The following CNTNAP2 variants were observed in gnomAD, a reference collection of about 807,000 sequenced individuals.
The protein encoded by CNTNAP2 is contactin associated protein 2.
In CNTNAP2, 98 loss-of-function variants were observed where a neutral mutation model predicts 155.2. The ratio of observed to expected loss-of-function variants is 0.63; its 90% CI spans 0.54 to 0.75. The LOEUF is 0.75. Ranked by LOEUF, CNTNAP2 falls within the 30% of genes least tolerant of loss-of-function variation. The pLI is 0.00. For synonymous variants in CNTNAP2, 651 were observed against 631.2 expected, an observed-to-expected ratio of 1.03 and a Z score of -0.47; for missense variants, 1,727 against 1,688.1, an observed-to-expected ratio of 1.02 and a Z score of -0.40.
intron 21 of CNTNAP2, among the ~76,000 whole-genome samples, chr7:148,270,370 T>G (rs1405787550): frequency 6.6e-6 from 1 of 152,164 alleles, no homozygotes; most frequent in Admixed American, 6.5e-5. Flanking sequence ...AAAGTACACA[T>G]AAATACCTGT....
At chr7:146,261,436 A>T (rs1205642488) in intron 1 of CNTNAP2, among the ~76,000 whole-genome samples, 1 of 151,704 alleles carries the variant, frequency 6.6e-6, no homozygotes, top group South Asian at 2.1e-4. Flanking sequence ...TCCCAAATAC[A>T]CATGCAATTA....
At chr7:147,346,205 A>ACTGCAGT in intron 9 of CNTNAP2, among the ~76,000 whole-genome samples, 1 of 146,296 alleles carries the variant, frequency 6.8e-6, no homozygotes, top group Admixed American at 6.9e-5. Context: ...CGGACTGCGG[A>ACTGCAGT]CTGCAGTGGC....
chr7:146,829,658 G>T (rs1162640250), intron 2 of CNTNAP2, among the ~76,000 whole-genome samples: 1 of 151,980 alleles, frequency 6.6e-6, no homozygotes, highest in African/African-American at 2.4e-5. Flanking sequence ...TATACTTTTA[G>T]AATGTGTGAT....
At chr7:147,122,434 AAC>A (rs1801138922) in intron 6 of CNTNAP2, 1 of 152,222 alleles carries the variant, frequency 6.6e-6, no homozygotes, top group Admixed American at 6.5e-5. Context: ...TAGAGAAATA[AAC>A]ACAAAATAAA....
intron 14 of CNTNAP2, among the ~76,000 whole-genome samples, chr7:147,969,939 T>C (rs1279721405): frequency 6.6e-6 from 1 of 151,870 alleles, no homozygotes; most frequent in Non-Finnish European, 1.5e-5. Flanking sequence ...TTTTATTTAT[T>C]TTATTTTATT....
rs200863951 is a variant in CNTNAP2, at chr7:147,863,774, G to T, written c.2099-39791G>T. Among the ~76,000 whole-genome samples the T allele has an allele frequency of 9.8e-3, 1,471 of 149,548 alleles. 31 individuals are homozygous for T. Among genetic ancestry groups the T allele is most frequent in the East Asian group, 0.08 (409 of 5,096 alleles). The stretch of plus-strand genomic sequence containing the variant: ...TATCCTTTGCCCGCTTTTTGATGGG[G>T]TTGTTTTTTTTCTTGTAAATTTGTT... On this transcript the variant is annotated intron_variant, in intron 13 of 23. Transcript: ENST00000361727.
chr7:147,655,025 C>T (rs1795505018), intron 13 of CNTNAP2, among the ~76,000 whole-genome samples: 1 of 151,904 alleles, frequency 6.6e-6, no homozygotes, highest in Non-Finnish European at 1.5e-5. Flanking sequence ...CCATGTTGGC[C>T]AGGCTGATCT....
chr7:146,762,687 A>C (rs1184919281), intron 1 of CNTNAP2, among the ~76,000 whole-genome samples: 1 of 152,158 alleles, frequency 6.6e-6, no homozygotes, highest in Non-Finnish European at 1.5e-5. Flanking sequence ...TGGGTAACTC[A>C]TAAAGCAAAA....
At position 146,506,673 on chromosome 7, in the gene CNTNAP2, G is replaced by A. The variant is rs529146175; in HGVS notation, c.98-267598G>A. 5.9e-5 allele frequency among the ~76,000 whole-genome samples: 9 copies of A among 152,364 alleles called. 1 individual carries two copies. In the South Asian group the frequency reaches 1.9e-3, roughly 32 times the overall value. ...AACTAGCTAATTCTGTAACTTTCAG[G>A]TAGTTAACCACAAGGTTAGGGCTTA... On this transcript the variant is annotated intron_variant, in intron 1 of 23. Coordinates refer to ENST00000361727, the MANE Select transcript of CNTNAP2 (RefSeq NM_014141.6).
intron 15 of CNTNAP2, among the ~76,000 whole-genome samples, chr7:148,087,493 C>T (rs1803756192): frequency 6.6e-6 from 1 of 151,992 alleles, no homozygotes; most frequent in Admixed American, 6.6e-5. Flanking sequence ...CAGACTAGAC[C>T]CAACTTCTTT....
At chr7:148,045,560 C>A (rs1439962982) in intron 15 of CNTNAP2, among the ~76,000 whole-genome samples, 1 of 152,214 alleles carries the variant, frequency 6.6e-6, no homozygotes, top group Non-Finnish European at 1.5e-5. Flanking sequence ...TCAAGATTCA[C>A]TAAGCCCTGC....
intron 4 of CNTNAP2, among the ~76,000 whole-genome samples, chr7:147,063,253 G>A (rs1430062841): frequency 6.6e-6 from 1 of 152,104 alleles, no homozygotes; most frequent in Non-Finnish European, 1.5e-5. Flanking sequence ...ATCAATGGGT[G>A]GACTTTGAGT....
At position 147,932,020 on chromosome 7, in the gene CNTNAP2, G is replaced by A. The variant is rs184957468; in HGVS notation, c.2255+28299G>A. 1.3e-4 allele frequency among the ~76,000 whole-genome samples: 20 copies of A among 152,172 alleles called. 1 individual carries two copies. In the South Asian group the frequency reaches 3.7e-3, roughly 28 times the overall value. ...CCTGCCTCAGCCTCACAAGTAACTGGAACTACAGGTGCATGCTACCAGGCC... is the reference window on the plus strand; with the variant it reads ...CCTGCCTCAGCCTCACAAGTAACTGAAACTACAGGTGCATGCTACCAGGCC... On this transcript the variant is annotated intron_variant, in intron 14 of 23. Coordinates refer to ENST00000361727, the MANE Select transcript of CNTNAP2 (RefSeq NM_014141.6).
intron 1 of CNTNAP2, among the ~76,000 whole-genome samples, chr7:146,720,876 CTATA>C (rs1006699781): frequency 3.5e-5 from 5 of 144,488 alleles, no homozygotes; most frequent in Non-Finnish European, 7.5e-5. Flanking sequence ...TATATATATT[CTATA>C]TATATACTCT....
chr7:147,084,670 A>G (rs1198138372), intron 4 of CNTNAP2, among the ~76,000 whole-genome samples: 1 of 147,398 alleles, frequency 6.8e-6, no homozygotes, highest in Non-Finnish European at 1.5e-5. Flanking sequence ...TATAATATAT[A>G]GCATATATAA....
At chr7:146,264,983 A>G (rs1363551571) in intron 1 of CNTNAP2, among the ~76,000 whole-genome samples, 1 of 152,230 alleles carries the variant, frequency 6.6e-6, no homozygotes, top group East Asian at 1.9e-4. Context: ...CAAACAACAG[A>G]TTATGAATGT....
intron 1 of CNTNAP2, among the ~76,000 whole-genome samples, chr7:146,429,608 A>C (rs554393934): frequency 6.6e-6 from 1 of 152,264 alleles, no homozygotes; most frequent in South Asian, 2.1e-4. Context: ...GTTGTTTATC[A>C]GCTTATGGAG....
chr7:148,368,917 G>T (rs1041514767), intron 21 of CNTNAP2, among the ~76,000 whole-genome samples: 8 of 152,142 alleles, frequency 5.3e-5, no homozygotes, highest in African/African-American at 1.9e-4. Context: ...TTAACTACCA[G>T]GCTTAGGTCA....
chr7:147,602,248 T>C (rs1393090392), intron 12 of CNTNAP2, among the ~76,000 whole-genome samples: 1 of 152,112 alleles, frequency 6.6e-6, no homozygotes, highest in African/African-American at 2.4e-5. Context: ...ATAGGACAAG[T>C]GTTTATTTTT....
Sources: allele counts gnomAD v4.1 joint callset (sites outside exome capture counted in the v4.1 genomes callset), GRCh38; gene constraint gnomAD v4.1.1; transcripts MANE v1.5; gene names NCBI Gene and HGNC (gene_info 2026-07-23, HGNC 2026-07-21).